HERC5: variants seen among roughly 807,000 people sequenced by gnomAD.
HERC5 encodes the protein HECT and RLD domain containing E3 ubiquitin protein ligase 5.
In HERC5, 99 loss-of-function variants were observed where a neutral mutation model predicts 119.6. The observed-to-expected ratio is 0.83, with a 90% CI of 0.70 to 0.98. HERC5 has a LOEUF of 0.98. HERC5 is among the 50% of genes least tolerant of loss of function. The pLI is 0.00. For missense variants in HERC5, 1,267 were observed against 1,241.3 expected, an observed-to-expected ratio of 1.02 and a Z score of -0.31; for synonymous variants, 478 against 445.9, an observed-to-expected ratio of 1.07 and a Z score of -0.91.
chr4:88,457,905 A>T (rs1740237557), intron 1 of HERC5: 1 of 1,031,182 alleles, frequency 9.7e-7, no homozygotes, highest in Admixed American at 5.7e-5. Context: ...GAAAGTAGTC[A>T]CTGCTCCAAC....
rs745980731 is a variant in HERC5 at position 88,475,827 on chromosome 4, C to T, written c.1393-14C>T. 1.9e-6 allele frequency: 3 copies of T among 1,612,562 alleles called. No homozygotes were observed. The South Asian group carries it at 3.3e-5, about 18-fold the overall frequency. Reference sequence around the variant, plus strand: ...AGTTTTGAATCCCTTTTCCCTGTTCCTTTCTGACCACAGATAACCACCTGC... The same window carrying T: ...AGTTTTGAATCCCTTTTCCCTGTTCTTTTCTGACCACAGATAACCACCTGC... On this transcript the variant is annotated splice_polypyrimidine_tract_variant and intron_variant, in intron 11 of 22. Coordinates refer to ENST00000264350, the MANE Select transcript of HERC5 (RefSeq NM_016323.4).
chr4:88,476,120 A>G, intron 12 of HERC5, 90 bp downstream of exon 12: 3 of 1,021,420 alleles, frequency 2.9e-6, no homozygotes, highest in Non-Finnish European at 4.3e-6. Context: ...ATACTTAGAA[A>G]TGTATTCATT....
rs1197079613 is a variant in HERC5 at position 88,479,512 on chromosome 4, G to A, written c.1737+5G>A. On this transcript the variant is annotated splice_donor_5th_base_variant and intron_variant, in intron 13 of 22. Coordinates refer to ENST00000264350, the MANE Select transcript of HERC5 (RefSeq NM_016323.4). ...ATGTTGAAGAAGCTGCACAGGGTAA[G>A]AGTTCCTTTAGAAACCTCTGTGTTT... The A allele has an allele frequency of 1.3e-6, 2 of 1,559,108 alleles. No homozygotes were observed. Among genetic ancestry groups the A allele is most frequent in the Non-Finnish European group, 1.7e-6 (2 of 1,157,910 alleles).
rs954280659 is a variant in HERC5 at position 88,504,407 on chromosome 4, T to A, written c.2758T>A (p.Phe920Ile). 1.9e-6 allele frequency: 3 copies of A among 1,599,292 alleles called. No homozygotes were observed. In the Admixed American group the frequency reaches 5.1e-5, roughly 27 times the overall value. Residue 920 changes from phenylalanine (F) to isoleucine (I), a missense_variant, in exon 21 of 23, where the codon TTT becomes ATT. Physicochemically the swap from Phe to Ile is conservative, Grantham distance 21. This residue lies in a region of HERC5 where 473 missense variants were observed against 445.7 expected (regional missense o/e 1.06). Coordinates refer to ENST00000264350, the MANE Select transcript of HERC5 (RefSeq NM_016323.4). ...AAATACAGATTATGATTGGAAAACA[T>A]TTGAAAAGGTACATCATCAAGTCTA... ...VGNTDYDWKT[F>I]EKNARYEPGY...
intron 11 of HERC5, 127 bp from the exon 12 acceptor site, chr4:88,475,714 C>T (rs1741041325): frequency 1.2e-6 from 1 of 807,076 alleles, no homozygotes; most frequent in Non-Finnish European, 2.0e-6. Flanking sequence ...TTTTAGAAAA[C>T]TCAATGATTA....
chr4:88,491,107 C>T (rs1028834519), intron 16 of HERC5, among the ~76,000 whole-genome samples: 1 of 152,050 alleles, frequency 6.6e-6, no homozygotes, highest in East Asian at 1.9e-4. Flanking sequence ...TGTGGGAAAA[C>T]TGAGGTTTTA....
chr4:88,494,249 T>C lies in HERC5; in HGVS notation c.2362T>C (p.Phe788Leu), dbSNP rs1560613033. The C allele has an allele frequency of 6.2e-7, 1 of 1,613,440 alleles. No individual in the cohort carries two copies. ...CAATTGCAATGTTGCCAACCTTCCTTTCCCACTGGCACTGTTTAAGAAACT... is the reference window on the plus strand; with the variant it reads ...CAATTGCAATGTTGCCAACCTTCCTCTCCCACTGGCACTGTTTAAGAAACT... ...LFNCNVANLP[F>L]PLALFKKLLD... Residue 788 changes from phenylalanine (F) to leucine (L), a missense_variant, in exon 18 of 23, where the codon TTC becomes CTC. Phe to Leu is a conservative substitution (Grantham distance 22). Transcript: ENST00000264350.
In HERC5 at chr4:88,457,123, G is replaced by A; in HGVS notation, c.-147G>A. On this transcript the variant is annotated 5_prime_UTR_variant, in exon 1 of 23. Coordinates refer to ENST00000264350, the MANE Select transcript of HERC5 (RefSeq NM_016323.4). ...GTGGCGTCCCGGCAGGGGCTCAGTAGCTGAGGCTGCGGTTCCCCGACGCCA... is the reference window on the plus strand; with the variant it reads ...GTGGCGTCCCGGCAGGGGCTCAGTAACTGAGGCTGCGGTTCCCCGACGCCA... 1.6e-6 allele frequency: 2 copies of A among 1,232,392 alleles called. No individual in the cohort carries two copies. The highest frequency in any genetic ancestry group is 2.0e-6 in the Non-Finnish European group (2 of 987,856). The allele number at this position is 1,232,392 out of a possible 1,614,324, so 76.3% of individuals were successfully genotyped here. A position where few individuals can be genotyped will look rare whatever the true frequency, so the allele number is the denominator to read the frequency against.
In HERC5 at chr4:88,463,939, G is replaced by A. The variant is rs1271536491; in HGVS notation, c.865G>A (p.Val289Met). The change falls in exon 6 of 23, where the codon GTG (valine) becomes ATG (methionine). Residue 289 changes from valine (V) to methionine (M), a missense_variant. By Grantham distance (21) the Val-to-Met change is conservative. Coordinates refer to ENST00000264350, the MANE Select transcript of HERC5 (RefSeq NM_016323.4). ...STQNELRPCL[V>M]AELVGYRVTQ... ...ACAGAATGAGCTAAGACCCTGTTTGGTGGCTGAGCTTGTTGGGTATAGAGT... is the reference window on the plus strand; with the variant it reads ...ACAGAATGAGCTAAGACCCTGTTTGATGGCTGAGCTTGTTGGGTATAGAGT... The A allele has an allele frequency of 1.2e-6, 2 of 1,613,814 alleles. No homozygotes were observed. The highest frequency in any genetic ancestry group is 4.5e-5 in the East Asian group (2 of 44,868).
chr4:88,463,641 T>C lies in HERC5; in HGVS notation c.780+18T>C. Reference sequence around the variant, plus strand: ...TCACACAGGTGGGTGTACCCTTGTCTCTTTTTGGCTGTATTTTTAGAAGAA... The same window carrying C: ...TCACACAGGTGGGTGTACCCTTGTCCCTTTTTGGCTGTATTTTTAGAAGAA... On this transcript the variant is annotated intron_variant, in intron 5 of 22. Transcript: ENST00000264350. The C allele has an allele frequency of 6.3e-7, 1 of 1,592,066 alleles. No homozygotes were observed. Among genetic ancestry groups the C allele is most frequent in the Non-Finnish European group, 8.6e-7 (1 of 1,164,190 alleles).
rs1007764099 is a variant in HERC5, at chr4:88,493,160, G to A, written c.2277+5G>A. ...TGCATGTGGTTTCCTGTCAAGGTAA[G>A]TTCCCTCTTCTTTGCTTAAGGTATT... is the stretch of plus-strand genomic sequence containing the variant. On this transcript the variant is annotated splice_donor_5th_base_variant and intron_variant, in intron 17 of 22. Coordinates refer to ENST00000264350, the MANE Select transcript of HERC5 (RefSeq NM_016323.4). 9.3e-6 allele frequency: 15 copies of A among 1,613,342 alleles called. No individual in the cohort carries two copies. The highest frequency in any genetic ancestry group is 6.6e-5 in the South Asian group (6 of 90,940).
rs774723010 is a variant in HERC5 at position 88,505,790 on chromosome 4, G to A, written c.2987G>A (p.Ser996Asn). 2 of 1,613,376 alleles carry A rather than the reference G, an allele frequency of 1.2e-6. No individual in the cohort carries two copies. The highest frequency in any genetic ancestry group is 3.3e-5 in the Admixed American group (2 of 60,020). The change falls in exon 23 of 23, where the codon AGT becomes AAT. Residue 996 changes from serine to asparagine, a missense_variant. Ser to Asn is a conservative substitution (Grantham distance 46, BLOSUM62 1). This residue lies in a region of HERC5 where 473 missense variants were observed against 445.7 expected (regional missense o/e 1.06). Coordinates refer to ENST00000264350, the MANE Select transcript of HERC5 (RefSeq NM_016323.4). Reference sequence around the variant, plus strand: ...CCTATAAGAGCACTGACATGTTTCAGTGTCCTCTTCCTCCCTAAATATTCT... The same window carrying A: ...CCTATAAGAGCACTGACATGTTTCAATGTCCTCTTCCTCCCTAAATATTCT... The part of the protein sequence containing the change: ...RDPIRALTCF[S>N]VLFLPKYSTM...
intron 16 of HERC5, among the ~76,000 whole-genome samples, chr4:88,492,706 A>G (rs948616258): frequency 3.3e-5 from 5 of 152,168 alleles, no homozygotes; most frequent in African/African-American, 1.2e-4. Context: ...AGATCAGACC[A>G]CTGCACTCCA....
chr4:88,494,135 A>C (rs1362227524), intron 17 of HERC5, 30 bp from the exon 18 acceptor site: 2 of 1,475,616 alleles, frequency 1.4e-6, no homozygotes, highest in Non-Finnish European at 1.9e-6. Context: ...AAAACTCATA[A>C]TACTTTAAGA....
chr4:88,492,827 G>A (rs894606208), intron 16 of HERC5, among the ~76,000 whole-genome samples, 185 bp from the exon 17 acceptor site: 2 of 152,054 alleles, frequency 1.3e-5, no homozygotes, highest in Non-Finnish European at 2.9e-5. Flanking sequence ...AATTCTCAAG[G>A]CCTCGTTATC....
In HERC5 at chr4:88,464,561, CTTGT is replaced by C. The variant is rs201816981; in HGVS notation, c.911+595_911+598del. ...GTTTATTTAAAGGTTTTTTGGTTTTCTTGTTTGTTTGTTTGTTTGTTTTTTGGTT... is the reference window on the plus strand; with the variant it reads ...GTTTATTTAAAGGTTTTTTGGTTTTCTTGTTTGTTTGTTTGTTTTTTGGTT... On this transcript the variant is annotated intron_variant, in intron 6 of 22. Coordinates refer to ENST00000264350, the MANE Select transcript of HERC5 (RefSeq NM_016323.4). 8.9e-3 allele frequency among the ~76,000 whole-genome samples: 1,347 copies of C among 150,562 alleles called. 20 individuals are homozygous for C. The highest frequency in any genetic ancestry group is 0.03 in the African/African-American group (1,217 of 41,128).
chr4:88,459,242 T>C, intron 1 of HERC5, 105 bp from the exon 2 acceptor site: 1 of 933,218 alleles, frequency 1.1e-6, no homozygotes, highest in Non-Finnish European at 1.5e-6. Flanking sequence ...AAAGCTTGTC[T>C]AGTTGAAATT....
At chr4:88,479,608 G>A (rs1000032832) in intron 13 of HERC5, 101 bp downstream of exon 13, 27 of 901,100 alleles carry the variant, frequency 3.0e-5, no homozygotes, top group South Asian at 1.8e-4. Context: ...TGAGACATAC[G>A]AAGTTTATAT....
chr4:88,499,472 A>C (rs536377402), intron 18 of HERC5, among the ~76,000 whole-genome samples: 1 of 152,200 alleles, frequency 6.6e-6, no homozygotes. Flanking sequence ...GTGTTTCTTA[A>C]GCTTGATGAT....
Sources: allele counts gnomAD v4.1 joint callset (sites outside exome capture counted in the v4.1 genomes callset), GRCh38; gene constraint gnomAD v4.1.1; regional missense constraint gnomAD v4.1.1; transcripts MANE v1.5; gene names NCBI Gene and HGNC (gene_info 2026-07-23, HGNC 2026-07-21).